Variants in CDK14 observed in about 807,000 individuals in gnomAD.
CDK14 encodes cyclin-dependent kinase 14.
In CDK14, 34 loss-of-function variants were observed where a neutral mutation model predicts 60.7. The ratio of observed to expected loss-of-function variants is 0.56; its 90% CI spans 0.43 to 0.75. CDK14 has a LOEUF of 0.75. CDK14 is among the 30% of genes least tolerant of loss of function. The pLI is 0.00. For synonymous variants in CDK14, 197 were observed against 203.7 expected (o/e 0.97, Z 0.28); for missense variants, 482 against 564.1 (o/e 0.85, Z 1.47).
At chr7:90,788,346 T>G (rs3729626) in intron 4 of CDK14, among the ~76,000 whole-genome samples, 1 of 151,980 alleles carries the variant, frequency 6.6e-6, no homozygotes, top group Admixed American at 6.6e-5. Context: ...TCCTAAAAGA[T>G]GAAGTGAAGA....
chr7:90,888,176 C>A (rs991870185), intron 6 of CDK14, among the ~76,000 whole-genome samples: 1 of 152,014 alleles, frequency 6.6e-6, no homozygotes, highest in Non-Finnish European at 1.5e-5. Context: ...ATGGTGAACC[C>A]CCCTCTCTAC....
intron 2 of CDK14, among the ~76,000 whole-genome samples, chr7:90,689,987 T>TA (rs11395625): frequency 0.4 from 60,400 of 151,966 alleles, 12,570 homozygotes; most frequent in East Asian, 0.67. Context: ...GTAAGAGACT[T>TA]ACATTACGAA....
chr7:90,991,523 G>T (rs1795533446), intron 10 of CDK14, among the ~76,000 whole-genome samples: 1 of 152,124 alleles, frequency 6.6e-6, no homozygotes, highest in African/African-American at 2.4e-5. Context: ...ACTCCCTGGA[G>T]CAAGATAATA....
At chr7:90,628,051 G>T (rs1189044727) in intron 2 of CDK14, among the ~76,000 whole-genome samples, 1 of 152,112 alleles carries the variant, frequency 6.6e-6, no homozygotes, top group Non-Finnish European at 1.5e-5. Flanking sequence ...ACCTCCCAGG[G>T]TCAAGTGATC....
At chr7:90,749,810 T>C (rs1056509325) in intron 4 of CDK14, among the ~76,000 whole-genome samples, 1 of 152,184 alleles carries the variant, frequency 6.6e-6, no homozygotes, top group African/African-American at 2.4e-5. Flanking sequence ...TCTCCATCAG[T>C]GCTGGTGCTT....
chr7:91,135,259 G>GA (rs946741580), intron 14 of CDK14, among the ~76,000 whole-genome samples: 70 of 151,110 alleles, frequency 4.6e-4, no homozygotes, highest in South Asian at 2.3e-3. Flanking sequence ...ACTGCTGAGG[G>GA]AAAAAAAAAG....
At chr7:91,150,856 T>C (rs1800810059) in intron 14 of CDK14, among the ~76,000 whole-genome samples, 1 of 152,186 alleles carries the variant, frequency 6.6e-6, no homozygotes, top group Non-Finnish European at 1.5e-5. Flanking sequence ...AAAATTTAAA[T>C]TTTGATTCAG....
At chr7:91,178,245 A>G (rs1407620910) in intron 14 of CDK14, among the ~76,000 whole-genome samples, 2 of 97,858 alleles carry the variant, frequency 2.0e-5, no homozygotes. Context: ...TGCTGGGAAA[A>G]CTGGCTAGCC....
intron 14 of CDK14, among the ~76,000 whole-genome samples, chr7:91,171,692 G>C (rs958112324): frequency 6.6e-6 from 1 of 152,030 alleles, no homozygotes; most frequent in Admixed American, 6.6e-5. Flanking sequence ...TGTCGCCGAG[G>C]CTGGAGTGCA....
intron 6 of CDK14, among the ~76,000 whole-genome samples, chr7:90,875,948 T>A (rs531062650): frequency 2.0e-5 from 3 of 152,320 alleles, no homozygotes; most frequent in African/African-American, 7.2e-5. Flanking sequence ...TTCTTACTAA[T>A]ATTTTCTCAC....
chr7:90,788,302 G>A (rs1322468379), intron 4 of CDK14, among the ~76,000 whole-genome samples: 1 of 152,150 alleles, frequency 6.6e-6, no homozygotes, highest in East Asian at 1.9e-4. Flanking sequence ...AGCACTAACT[G>A]CATCCCAGCC....
intron 2 of CDK14, among the ~76,000 whole-genome samples, chr7:90,635,737 T>C (rs912216988): frequency 9.2e-5 from 14 of 152,284 alleles, no homozygotes; most frequent in African/African-American, 3.4e-4. Context: ...TATGGCCGTT[T>C]TCACGATATT....
Position 91,057,740 on chromosome 7 carries a change from G to T in CDK14, c.1105+11780G>T, listed in dbSNP as rs554049722. Reference sequence around the variant, plus strand: ...TAGATATGCGACATTATTTCTGAGGGCTCTGTTCTGTTCCATTGGTCTATA... The same window carrying T: ...TAGATATGCGACATTATTTCTGAGGTCTCTGTTCTGTTCCATTGGTCTATA... On this transcript the variant is annotated intron_variant, in intron 11 of 14. Transcript: ENST00000380050. 5.7e-3 allele frequency among the ~76,000 whole-genome samples: 870 copies of T among 152,176 alleles called. 11 individuals carry two copies. The Middle Eastern group carries it at 0.095, about 17-fold the overall frequency.
chr7:90,823,626 T>A (rs1789624427), intron 5 of CDK14, among the ~76,000 whole-genome samples: 2 of 152,160 alleles, frequency 1.3e-5, no homozygotes, highest in African/African-American at 2.4e-5. Context: ...AGTAGGTATT[T>A]CGAATCAACC....
chr7:90,807,130 A>G (rs907881091), intron 5 of CDK14, among the ~76,000 whole-genome samples: 1 of 152,150 alleles, frequency 6.6e-6, no homozygotes, highest in African/African-American at 2.4e-5. Context: ...TGGTTCTCCC[A>G]GCACGCAGCT....
intron 11 of CDK14, among the ~76,000 whole-genome samples, chr7:91,057,110 G>A (rs1436687520): frequency 2.0e-5 from 3 of 152,268 alleles, no homozygotes; most frequent in South Asian, 2.1e-4. Context: ...TCTAACTGGT[G>A]TGAGATGGTA....
At chr7:90,660,626 A>G (rs568212847) in intron 2 of CDK14, among the ~76,000 whole-genome samples, 5 of 152,376 alleles carry the variant, frequency 3.3e-5, no homozygotes, top group East Asian at 1.9e-4. Context: ...GTATTGATAT[A>G]TACATACAAT....
At chr7:90,689,736 T>C (rs1169763839) in intron 2 of CDK14, among the ~76,000 whole-genome samples, 2 of 152,172 alleles carry the variant, frequency 1.3e-5, no homozygotes, top group South Asian at 2.1e-4. Context: ...ATCCTATATC[T>C]TTCCATAATT....
intron 2 of CDK14, among the ~76,000 whole-genome samples, chr7:90,605,248 C>A (rs1799393905): frequency 1.3e-5 from 2 of 152,172 alleles, no homozygotes; most frequent in Admixed American, 6.5e-5. Flanking sequence ...CTGCTCCAGG[C>A]TGGGATTTCT....
Sources: allele counts gnomAD v4.1 joint callset (sites outside exome capture counted in the v4.1 genomes callset), GRCh38; gene constraint gnomAD v4.1.1; transcripts MANE v1.5; gene names NCBI Gene and HGNC (gene_info 2026-07-23, HGNC 2026-07-21).